The following MCPH1 variants were observed in gnomAD, a reference collection of about 807,000 sequenced individuals.
MCPH1 encodes the protein microcephalin 1, also known as microcephalin.
Under a neutral mutation model 84.5 loss-of-function variants are expected in MCPH1, and 104 were observed. The ratio of observed to expected loss-of-function variants is 1.23; its 90% confidence interval spans 1.05 to 1.45. MCPH1 has a LOEUF of 1.45. Ranked by LOEUF, MCPH1 falls within the 40% of genes most tolerant of loss-of-function variation. The pLI, the probability that MCPH1 is intolerant of heterozygous loss-of-function variation, is 0.00. For synonymous variants in MCPH1, 514 were observed against 366.8 expected (o/e 1.40, Z -4.58); for missense variants, 1,498 against 1,005.7 (o/e 1.49, Z -6.62).
chr8:6,509,864 G>T (rs1258084694), intron 12 of MCPH1, among the ~76,000 whole-genome samples: 1 of 152,198 alleles, frequency 6.6e-6, no homozygotes, highest in African/African-American at 2.4e-5. Context: ...CGCAGTGTCT[G>T]TTGTTCACCC....
intron 13 of MCPH1, among the ~76,000 whole-genome samples, chr8:6,637,645 T>G (rs574646007): frequency 3.9e-5 from 6 of 152,278 alleles, no homozygotes; most frequent in South Asian, 4.1e-4. Flanking sequence ...ATATGTTTGT[T>G]TACTCTGTTT....
At chr8:6,572,959 C>T (rs13253668) in intron 12 of MCPH1, among the ~76,000 whole-genome samples, 1,614 of 152,324 alleles carry the variant, frequency 0.011, 10 homozygotes, top group Non-Finnish European at 0.016. Flanking sequence ...CATACTCTGC[C>T]CTTTCTCCCT....
At chr8:6,576,114 C>G (rs1372456449) in intron 12 of MCPH1, among the ~76,000 whole-genome samples, 2 of 151,412 alleles carry the variant, frequency 1.3e-5, no homozygotes, top group Admixed American at 1.3e-4. Flanking sequence ...GCAGCCTCCA[C>G]CAAACACTGT....
At chr8:6,412,426 T>G (rs1177094795) in intron 2 of MCPH1, among the ~76,000 whole-genome samples, 2 of 152,234 alleles carry the variant, frequency 1.3e-5, no homozygotes, top group Non-Finnish European at 2.9e-5. Context: ...CAAAGAATAG[T>G]GAATACAGAT....
chr8:6,527,444 T>TA (rs1414771708), intron 12 of MCPH1: 2 of 1,370,028 alleles, frequency 1.5e-6, no homozygotes, highest in African/African-American at 2.9e-5. Flanking sequence ...TTCTGACCCT[T>TA]ACACTAGACA....
At chr8:6,446,236 C>T in intron 8 of MCPH1, 2 of 962,608 alleles carry the variant, frequency 2.1e-6, no homozygotes, top group Non-Finnish European at 2.5e-6. Context: ...AAATTTTGCA[C>T]TTCACAGTTA....
chr8:6,411,835 G>A (rs1029766651), intron 2 of MCPH1, among the ~76,000 whole-genome samples: 3 of 152,180 alleles, frequency 2.0e-5, no homozygotes, highest in Non-Finnish European at 4.4e-5. Flanking sequence ...GGGGCGGGAC[G>A]CGGGCATGTC....
chr8:6,459,077 TA>T (rs1053071407), intron 9 of MCPH1, among the ~76,000 whole-genome samples: 1 of 152,250 alleles, frequency 6.6e-6, no homozygotes, highest in African/African-American at 2.4e-5. Flanking sequence ...TTCCTGGTTT[TA>T]AAAGTATACA....
chr8:6,408,727 T>G (rs1277332261), intron 1 of MCPH1, among the ~76,000 whole-genome samples: 1 of 151,874 alleles, frequency 6.6e-6, no homozygotes. Context: ...CCTGGCTAAT[T>G]AAAAACAAAA....
At position 6,445,212 on chromosome 8, in the gene MCPH1, G is replaced by T. The variant is rs1184692637; in HGVS notation, c.1490G>T (p.Ser497Ile). Residue 497 changes from serine to isoleucine, a missense_variant, in exon 8 of 14, where the codon AGT becomes ATT. By Grantham distance (142) the Ser-to-Ile change is moderately radical. Coordinates refer to ENST00000344683, the MANE Select transcript of MCPH1 (RefSeq NM_024596.5). ...TGNGEGRATS[S>I]CVTSAPEEAL... ...AATGGTGAAGGCCGTGCAACTTCGAGTTGCGTGACTTCTGCCCCTGAAGAA... is the reference window on the plus strand; with the variant it reads ...AATGGTGAAGGCCGTGCAACTTCGATTTGCGTGACTTCTGCCCCTGAAGAA... 1.2e-6 allele frequency: 2 copies of T among 1,614,132 alleles called. No homozygotes were observed. Among genetic ancestry groups the T allele is most frequent in the African/African-American group, 2.7e-5 (2 of 74,938 alleles).
intron 12 of MCPH1, among the ~76,000 whole-genome samples, chr8:6,613,236 C>T (rs1173686868): frequency 2.0e-5 from 3 of 152,164 alleles, no homozygotes; most frequent in Non-Finnish European, 4.4e-5. Context: ...GAAGGCCAGG[C>T]AGACGGGAAT....
At chr8:6,447,478 A>G in intron 8 of MCPH1, 2 of 927,366 alleles carry the variant, frequency 2.2e-6, no homozygotes, top group Non-Finnish European at 2.6e-6. Context: ...CTTCAAAAAC[A>G]AGTTACAAAG....
At chr8:6,560,954 G>A (rs1358967089) in intron 12 of MCPH1, among the ~76,000 whole-genome samples, 1 of 152,230 alleles carries the variant, frequency 6.6e-6, no homozygotes, top group South Asian at 2.1e-4. Flanking sequence ...CTGTCGGGCA[G>A]ATTAGAATAT....
At chr8:6,567,205 C>T (rs918984232) in intron 12 of MCPH1, among the ~76,000 whole-genome samples, 2 of 31,782 alleles carry the variant, frequency 6.3e-5, no homozygotes, top group Non-Finnish European at 1.2e-4. Context: ...GGATAGTGCA[C>T]GTGGTGCGGT....
rs763661546 is a variant in MCPH1 at position 6,562,624 on chromosome 8, A to G, written c.2215-58830A>G. Reference sequence around the variant, plus strand: ...GCTGATCTTAATAGCATGTTCACAAAGACAGATGGATTTTTTTCCTACCTT... The same window carrying G: ...GCTGATCTTAATAGCATGTTCACAAGGACAGATGGATTTTTTTCCTACCTT... On this transcript the variant is annotated intron_variant, in intron 12 of 13. Transcript: ENST00000344683. The G allele has an allele frequency of 3.6e-6, 5 of 1,407,248 alleles. No homozygotes were observed. In the Admixed American group the frequency reaches 8.0e-5, roughly 22 times the overall value. 87.2% of individuals were successfully genotyped at this position (1,407,248 alleles called of 1,614,324 possible).
chr8:6,519,892 G>A (rs1340794985), intron 12 of MCPH1: 2 of 1,614,086 alleles, frequency 1.2e-6, no homozygotes, highest in East Asian at 2.2e-5. Context: ...ATTAGGGAAT[G>A]TTAACGTGTA....
chr8:6,500,159 G>A (rs971663327), intron 12 of MCPH1: 5 of 531,350 alleles, frequency 9.4e-6, no homozygotes, highest in South Asian at 4.2e-5. Context: ...AAGAAAATTT[G>A]ACGATTAACA....
intron 12 of MCPH1, among the ~76,000 whole-genome samples, chr8:6,596,394 A>G (rs1308982653): frequency 6.6e-6 from 1 of 152,168 alleles, no homozygotes; most frequent in Admixed American, 6.5e-5. Context: ...TACACAGTAA[A>G]GAGATGAAAG....
rs1586158760 is a variant in MCPH1, at chr8:6,502,878, A to G, written c.2214+2949A>G. The G allele has an allele frequency of 2.2e-5, 12 of 538,234 alleles. No homozygotes were observed. The East Asian group carries it at 3.7e-4, about 17-fold the overall frequency. The allele number at this position is 538,234 out of a possible 1,614,324, so 33.3% of individuals were successfully genotyped here. ...TCATCTTTGCATAGGTGTTCTGTCT[A>G]ATCACAATTATGGATGTTTAGGGTC... On this transcript the variant is annotated intron_variant, in intron 12 of 13. Coordinates refer to ENST00000344683, the MANE Select transcript of MCPH1 (RefSeq NM_024596.5).
Sources: gnomAD v4.1 joint callset for allele counts (sites outside exome capture counted in the v4.1 genomes callset) on GRCh38, gnomAD v4.1.1 for gene constraint, MANE v1.5 for transcripts, NCBI Gene and HGNC (gene_info 2026-07-23, HGNC 2026-07-21) for gene names.